VPS8: variants seen among roughly 807,000 people sequenced by gnomAD.
VPS8 encodes vacuolar protein sorting-associated protein 8 homolog.
In VPS8, 129 loss-of-function variants were observed where a neutral mutation model predicts 216.4. That is an observed-to-expected ratio of 0.60 (90% CI 0.52 to 0.69). The LOEUF is 0.69. VPS8 is among the 30% of genes least tolerant of loss of function. The pLI is 0.00. For synonymous variants in VPS8, 571 were observed against 565.4 expected (o/e 1.01, Z -0.14); for missense variants, 1,531 against 1,683.5 (o/e 0.91, Z 1.59).
chr3:184,934,559 A>G (rs1244046559), intron 34 of VPS8, among the ~76,000 whole-genome samples: 1 of 152,184 alleles, frequency 6.6e-6, no homozygotes, highest in African/African-American at 2.4e-5. Flanking sequence ...CAACATAAGT[A>G]TGTTTACTGT....
intron 41 of VPS8, 117 bp from the exon 42 acceptor site, chr3:184,982,895 T>C: frequency 1.1e-6 from 1 of 926,558 alleles, no homozygotes; most frequent in Admixed American, 3.4e-5. Context: ...CAAAGAGGCC[T>C]TGGTTAGCTA....
At chr3:184,931,301 G>GA (rs546621120) in intron 34 of VPS8, among the ~76,000 whole-genome samples, 264 of 151,906 alleles carry the variant, frequency 1.7e-3, no homozygotes, top group African/African-American at 6.0e-3. Flanking sequence ...TCTGATGATT[G>GA]AAAAAAAGTA....
At chr3:184,893,462 AAAG>A (rs1379023400) in intron 22 of VPS8, 1 of 748,018 alleles carries the variant, frequency 1.3e-6, no homozygotes, top group Non-Finnish European at 1.7e-6. Flanking sequence ...CAGAATGAAC[AAAG>A]AAGTGAATGA....
chr3:184,822,372 C>T (rs1234538323), intron 1 of VPS8, among the ~76,000 whole-genome samples: 1 of 152,144 alleles, frequency 6.6e-6, no homozygotes, highest in Non-Finnish European at 1.5e-5. Context: ...TCACCTGACA[C>T]TTCTTCAGTG....
chr3:184,951,706 TG>T (rs1381701771), intron 36 of VPS8, among the ~76,000 whole-genome samples: 2 of 152,134 alleles, frequency 1.3e-5, no homozygotes, highest in Non-Finnish European at 2.9e-5. Context: ...AAGAAAGCAG[TG>T]GGTGTATTGC....
At chr3:185,014,883 A>T (rs570636471) in intron 45 of VPS8, among the ~76,000 whole-genome samples, 2 of 152,332 alleles carry the variant, frequency 1.3e-5, no homozygotes, top group East Asian at 3.9e-4. Flanking sequence ...AATGCCCATC[A>T]CCGCAAAACA....
intron 46 of VPS8, among the ~76,000 whole-genome samples, chr3:185,040,561 A>G (rs1577255638): frequency 1.3e-5 from 2 of 152,012 alleles, no homozygotes; most frequent in Non-Finnish European, 2.9e-5. Context: ...ACTCCACCCT[A>G]TCATACCACA....
chr3:184,840,280 A>T (rs1253069180), intron 7 of VPS8: 1 of 152,380 alleles, frequency 6.6e-6, no homozygotes, highest in Non-Finnish European at 1.5e-5. Flanking sequence ...TTTGTATAGT[A>T]GAAGATAGTT....
chr3:184,987,012 A>T (rs1363937118), intron 42 of VPS8, among the ~76,000 whole-genome samples: 1 of 152,118 alleles, frequency 6.6e-6, no homozygotes, highest in Non-Finnish European at 1.5e-5. Flanking sequence ...ACAAATGCAT[A>T]ATGTCCTATA....
chr3:184,879,927 A>G (rs533920581), intron 21 of VPS8, among the ~76,000 whole-genome samples: 3 of 152,342 alleles, frequency 2.0e-5, no homozygotes, highest in Admixed American at 2.0e-4. Flanking sequence ...TTTGGCTTTA[A>G]CTAATACTCT....
chr3:184,815,751 G>A (rs1716171684), intron 1 of VPS8: 1 of 151,504 alleles, frequency 6.6e-6, no homozygotes, highest in Non-Finnish European at 1.5e-5. Flanking sequence ...CAGTGGTGCT[G>A]GGGTGTTTTA....
In VPS8 at chr3:184,872,498, CAG is replaced by C. The variant is rs200454881; in HGVS notation, c.1734+1695_1734+1696del. Among the ~76,000 whole-genome samples, 485 of 152,066 alleles carry C rather than the reference CAG, an allele frequency of 3.2e-3. 4 individuals are homozygous for C. The highest frequency in any genetic ancestry group is 0.023 in the East Asian group (120 of 5,166). On this transcript the variant is annotated intron_variant, in intron 21 of 47. Coordinates refer to ENST00000625842, the MANE Select transcript of VPS8 (RefSeq NM_001009921.3). Reference sequence around the variant, plus strand: ...ACGTACAGAGATGCATTACTACTAACAGATGTTAGTAGTAATGTGCTCTGTAA... The same window carrying C: ...ACGTACAGAGATGCATTACTACTAACATGTTAGTAGTAATGTGCTCTGTAA...
At chr3:185,040,505 T>C (rs1268921334) in intron 46 of VPS8, among the ~76,000 whole-genome samples, 1 of 152,146 alleles carries the variant, frequency 6.6e-6, no homozygotes, top group Non-Finnish European at 1.5e-5. Flanking sequence ...CAGCCCTTGG[T>C]GGTCTCTTGT....
chr3:184,842,867 G>A (rs534706228), intron 7 of VPS8, among the ~76,000 whole-genome samples: 1 of 151,526 alleles, frequency 6.6e-6, no homozygotes, highest in East Asian at 1.9e-4. Context: ...CTTATACAGA[G>A]TCTTAAAAGT....
chr3:184,939,423 A>G (rs965015742), intron 35 of VPS8, among the ~76,000 whole-genome samples: 1 of 152,180 alleles, frequency 6.6e-6, no homozygotes, highest in Non-Finnish European at 1.5e-5. Flanking sequence ...AAGAAAAACT[A>G]AACAATAACA....
intron 39 of VPS8, among the ~76,000 whole-genome samples, chr3:184,968,848 T>TAAC (rs1948556413): frequency 6.6e-6 from 1 of 152,222 alleles, no homozygotes. Flanking sequence ...CGCATTTCAC[T>TAAC]AACATACCAT....
intron 1 of VPS8, among the ~76,000 whole-genome samples, chr3:184,819,504 T>A (rs149180782): frequency 6.6e-6 from 1 of 152,210 alleles, no homozygotes; most frequent in Non-Finnish European, 1.5e-5. Flanking sequence ...ATTTAAGGGA[T>A]AGCTGAAGCA....
chr3:185,030,069 G>A (rs1181373236), intron 46 of VPS8, among the ~76,000 whole-genome samples: 2 of 152,158 alleles, frequency 1.3e-5, no homozygotes, highest in African/African-American at 4.8e-5. Flanking sequence ...GATCATGTAT[G>A]ACCAGAAATG....
intron 36 of VPS8, among the ~76,000 whole-genome samples, chr3:184,953,675 A>G (rs775054373): frequency 2.0e-5 from 3 of 152,220 alleles, no homozygotes; most frequent in Admixed American, 6.5e-5. Flanking sequence ...TAATTTCTAC[A>G]GGGAATCAAA....
Sources: gnomAD v4.1 joint callset for allele counts (sites outside exome capture counted in the v4.1 genomes callset) on GRCh38, gnomAD v4.1.1 for gene constraint, MANE v1.5 for transcripts, NCBI Gene and HGNC (gene_info 2026-07-23, HGNC 2026-07-21) for gene names.